Variants in NVL observed in about 807,000 individuals in gnomAD.
NVL encodes the protein nuclear valosin-containing protein-like.
A neutral mutation model predicts 110.2 loss-of-function variants in NVL; 84 were observed. The observed-to-expected ratio is 0.76, with a 90% CI of 0.64 to 0.91. The LOEUF is 0.91. Among genes scored for constraint, NVL ranks in the 40% least tolerant of loss-of-function variants. NVL has a pLI of 0.00. For synonymous variants in NVL, 354 were observed against 361.1 expected, an observed-to-expected ratio of 0.98 and a Z score of 0.22; for missense variants, 882 against 1,035.9, an observed-to-expected ratio of 0.85 and a Z score of 2.04.
chr1:224,273,028 C>T (rs1490706652), intron 17 of NVL, among the ~76,000 whole-genome samples: 11 of 109,010 alleles, frequency 1.0e-4, no homozygotes, highest in African/African-American at 2.0e-4. Flanking sequence ...AGCGAGACTC[C>T]GTCTCAAAAA....
At chr1:224,233,717 C>A (rs1008142893) in intron 20 of NVL, among the ~76,000 whole-genome samples, 1 of 152,072 alleles carries the variant, frequency 6.6e-6, no homozygotes, top group Non-Finnish European at 1.5e-5. Flanking sequence ...CAAGATCGCA[C>A]CACTGCACTC....
intron 12 of NVL, among the ~76,000 whole-genome samples, chr1:224,291,263 T>G (rs1667349374): frequency 6.6e-6 from 1 of 152,162 alleles, no homozygotes; most frequent in South Asian, 2.1e-4. Flanking sequence ...TGGAGTGCAA[T>G]GGCACGATCT....
chr1:224,264,022 A>G (rs1415081020), intron 18 of NVL, among the ~76,000 whole-genome samples: 1 of 152,090 alleles, frequency 6.6e-6, no homozygotes, highest in African/African-American at 2.4e-5. Context: ...CTCAAAAACA[A>G]ACAAACAAAC....
chr1:224,321,330 A>G (rs1167687346), intron 2 of NVL, among the ~76,000 whole-genome samples: 1 of 152,226 alleles, frequency 6.6e-6, no homozygotes, highest in Non-Finnish European at 1.5e-5. Flanking sequence ...GAGCCATACA[A>G]AACAAGGTGG....
chr1:224,261,613 G>A (rs1021660807), intron 18 of NVL, among the ~76,000 whole-genome samples: 11 of 152,010 alleles, frequency 7.2e-5, no homozygotes, highest in Admixed American at 2.6e-4. Context: ...AAGGAAGTTC[G>A]CTTATTTCCA....
At chr1:224,253,296 C>T (rs1340749449) in intron 18 of NVL, among the ~76,000 whole-genome samples, 2 of 151,682 alleles carry the variant, frequency 1.3e-5, no homozygotes, top group African/African-American at 4.8e-5. Context: ...ATGATCCACC[C>T]GCCTTAGCCT....
chr1:224,230,343 G>A (rs1268108671), intron 22 of NVL, among the ~76,000 whole-genome samples: 5 of 152,274 alleles, frequency 3.3e-5, no homozygotes, highest in African/African-American at 9.6e-5. Context: ...AGTGGCTCAC[G>A]CCTGTAATCC....
At chr1:224,275,502 T>C (rs746912247) in intron 16 of NVL, 44 bp from the exon 17 acceptor site, 21 of 1,612,702 alleles carry the variant, frequency 1.3e-5, no homozygotes, top group African/African-American at 4.0e-5. Flanking sequence ...CAGTTCAACT[T>C]TGTGGTTTGG....
chr1:224,295,216 G>A lies in NVL; in HGVS notation c.1181-805C>T, dbSNP rs148092195. ...TGTGTTCTTTTTTTTTTTTTGAGACGGAGTCTCGCTCTGTCGCCCAGGCTG... is the reference window on the plus strand; with the variant it reads ...TGTGTTCTTTTTTTTTTTTTGAGACAGAGTCTCGCTCTGTCGCCCAGGCTG... On this transcript the variant is annotated intron_variant, in intron 11 of 22. Transcript: ENST00000281701. Among the ~76,000 whole-genome samples, 165 of 150,416 alleles carry A rather than the reference G, an allele frequency of 1.1e-3. 4 individuals are homozygous for A. The East Asian group carries it at 0.029, about 27-fold the overall frequency.
intron 5 of NVL, among the ~76,000 whole-genome samples, chr1:224,310,699 TA>T (rs1669425533): frequency 6.6e-6 from 1 of 152,056 alleles, no homozygotes; most frequent in African/African-American, 2.4e-5. Context: ...CCTTTAGCCC[TA>T]ACCCTTTTTT....
rs547908223 is a variant in NVL at position 224,281,261 on chromosome 1, T to C, written c.1900-76A>G. The C allele has an allele frequency of 3.3e-6, 4 of 1,207,276 alleles. No individual in the cohort carries two copies. The South Asian group carries it at 3.6e-5, about 11-fold the overall frequency. The allele number at this position is 1,207,276 out of a possible 1,614,324, so 74.8% of individuals were successfully genotyped here. A position where few individuals can be genotyped will look rare whatever the true frequency, so the allele number is the denominator to read the frequency against. ...TAACAATAATAATGATGATGATGTG[T>C]GACAATGAAAGGACTCTGTGTGCGT... On this transcript the variant is annotated intron_variant, in intron 15 of 22. Coordinates refer to ENST00000281701, the MANE Select transcript of NVL (RefSeq NM_002533.4).
chr1:224,315,194 A>G (rs1669952711), intron 4 of NVL, among the ~76,000 whole-genome samples: 1 of 152,150 alleles, frequency 6.6e-6, no homozygotes, highest in Non-Finnish European at 1.5e-5. Context: ...AAGCTGGGAT[A>G]GAACCATGCA....
At chr1:224,256,680 C>T (rs1361950483) in intron 18 of NVL, among the ~76,000 whole-genome samples, 1 of 152,120 alleles carries the variant, frequency 6.6e-6, no homozygotes. Context: ...ATGACTTAAA[C>T]TACACTTCAC....
At position 224,312,998 on chromosome 1, in the gene NVL, A is replaced by G. The variant is rs1465865164; in HGVS notation, c.285-1141T>C. On this transcript the variant is annotated intron_variant, in intron 4 of 22. Transcript: ENST00000281701. Reference sequence around the variant, plus strand: ...CTAAGGGAGACTCTGTCTCTACAAAAAAATTAAAAAATTAGCTGGGCATGC... The same window carrying G: ...CTAAGGGAGACTCTGTCTCTACAAAGAAATTAAAAAATTAGCTGGGCATGC... 2.0e-5 allele frequency: 5 copies of G among 250,154 alleles called. No homozygotes were observed. In the Admixed American group the frequency reaches 2.1e-4, roughly 10 times the overall value. The allele number at this position is 250,154 out of a possible 1,614,324, so 15.5% of individuals were successfully genotyped here. A position where few individuals can be genotyped will look rare whatever the true frequency, so the allele number is the denominator to read the frequency against.
chr1:224,297,818 C>G lies in NVL; in HGVS notation c.1063-1200G>C, dbSNP rs190907852. On this transcript the variant is annotated intron_variant, in intron 10 of 22. Coordinates refer to ENST00000281701, the MANE Select transcript of NVL (RefSeq NM_002533.4). Reference sequence around the variant, plus strand: ...ATCCCAGCACTTTGGGAGGCCAAGGCGGGTAGATCACCAGAGGTCAGAAGT... The same window carrying G: ...ATCCCAGCACTTTGGGAGGCCAAGGGGGGTAGATCACCAGAGGTCAGAAGT... The G allele has an allele frequency of 1.9e-3, 288 of 152,760 alleles. 1 individual carries two copies. Among genetic ancestry groups the G allele is most frequent in the Non-Finnish European group, 3.2e-3 (216 of 68,440 alleles). The allele number at this position is 152,760 out of a possible 1,614,324, so 9.5% of individuals were successfully genotyped here. A position where few individuals can be genotyped will look rare whatever the true frequency, so the allele number is the denominator to read the frequency against.
At chr1:224,244,921 C>A (rs933482939) in intron 19 of NVL, among the ~76,000 whole-genome samples, 1 of 152,094 alleles carries the variant, frequency 6.6e-6, no homozygotes. Flanking sequence ...CTCCTGACCT[C>A]GTGATCCGCC....
At chr1:224,295,215 C>A (rs1269555376) in intron 11 of NVL, among the ~76,000 whole-genome samples, 1 of 150,870 alleles carries the variant, frequency 6.6e-6, no homozygotes, top group African/African-American at 2.4e-5. Context: ...TTTTTTGAGA[C>A]GGAGTCTCGC....
chr1:224,253,241 A>G (rs59332140), intron 18 of NVL, among the ~76,000 whole-genome samples: 37,362 of 150,900 alleles, frequency 0.25, 4,784 homozygotes, highest in South Asian at 0.34. Flanking sequence ...TAGTAGAGAC[A>G]GGGTTTCACC....
At chr1:224,292,232 T>C (rs1340497071) in intron 12 of NVL, among the ~76,000 whole-genome samples, 1 of 152,196 alleles carries the variant, frequency 6.6e-6, no homozygotes, top group East Asian at 1.9e-4. Flanking sequence ...AGTGAGACCC[T>C]TTCTCTATAT....
Sources: allele counts gnomAD v4.1 joint callset (sites outside exome capture counted in the v4.1 genomes callset), GRCh38; gene constraint gnomAD v4.1.1; transcripts MANE v1.5; gene names NCBI Gene and HGNC (gene_info 2026-07-23, HGNC 2026-07-21).